The following HS6ST3 variants were observed in gnomAD, a reference collection of about 807,000 sequenced individuals.
The protein encoded by HS6ST3 is heparan-sulfate 6-O-sulfotransferase 3.
A neutral mutation model predicts 36.7 loss-of-function variants in HS6ST3; 12 were observed. The observed-to-expected ratio is 0.33, with a 90% CI of 0.21 to 0.53. The LOEUF is 0.53. Ranked by LOEUF, HS6ST3 falls within the 20% of genes least tolerant of loss-of-function variation. The pLI is 0.95. For missense variants in HS6ST3, 584 were observed against 640.9 expected, an observed-to-expected ratio of 0.91 and a Z score of 0.96; for synonymous variants, 240 against 257.5, an observed-to-expected ratio of 0.93 and a Z score of 0.65.
intron 1 of HS6ST3, among the ~76,000 whole-genome samples, chr13:96,107,174 T>C (rs937398132): frequency 6.6e-6 from 1 of 152,128 alleles, no homozygotes; most frequent in African/African-American, 2.4e-5. Context: ...CAATATTATA[T>C]GTTAAGGTTG....
chr13:96,255,573 A>G (rs1345313613), intron 1 of HS6ST3, among the ~76,000 whole-genome samples: 5 of 152,174 alleles, frequency 3.3e-5, no homozygotes, highest in African/African-American at 1.2e-4. Flanking sequence ...AAGATAGAAG[A>G]TATGTATTTT....
rs1001417459 is a variant in HS6ST3, at chr13:96,402,086, A to G, written c.707+310517A>G. Reference sequence around the variant, plus strand: ...GCATCCCAAGTAGCTGAGATTACACACAGCTCAGTCTCAAGTAGCCGAGGT... The same window carrying G: ...GCATCCCAAGTAGCTGAGATTACACGCAGCTCAGTCTCAAGTAGCCGAGGT... On this transcript the variant is annotated intron_variant, in intron 1 of 1. Transcript: ENST00000376705. Among the ~76,000 whole-genome samples the G allele has an allele frequency of 2.0e-5, 3 of 152,132 alleles. No homozygotes were observed. In the East Asian group the frequency reaches 5.8e-4, roughly 29 times the overall value.
intron 1 of HS6ST3, among the ~76,000 whole-genome samples, chr13:96,227,963 T>C (rs1386166057): frequency 6.6e-6 from 1 of 152,168 alleles, no homozygotes; most frequent in Non-Finnish European, 1.5e-5. Context: ...ACTTATTCAT[T>C]AAAAAATTCA....
At chr13:96,797,005 C>T (rs1877929380) in intron 1 of HS6ST3, among the ~76,000 whole-genome samples, 1 of 152,090 alleles carries the variant, frequency 6.6e-6, no homozygotes, top group Non-Finnish European at 1.5e-5. Context: ...AGGCTGAGGA[C>T]ATCTGCCACC....
chr13:96,424,928 A>T (rs2055579141), intron 1 of HS6ST3, among the ~76,000 whole-genome samples: 1 of 152,194 alleles, frequency 6.6e-6, no homozygotes. Context: ...TACACATCAA[A>T]ATAATGTACA....
intron 1 of HS6ST3, among the ~76,000 whole-genome samples, chr13:96,726,841 G>T (rs1435564558): frequency 6.6e-6 from 1 of 151,776 alleles, no homozygotes; most frequent in Non-Finnish European, 1.5e-5. Flanking sequence ...GAAATCTGCT[G>T]TTATCCTTCT....
At chr13:96,267,043 C>T (rs1243775737) in intron 1 of HS6ST3, among the ~76,000 whole-genome samples, 1 of 152,118 alleles carries the variant, frequency 6.6e-6, no homozygotes, top group African/African-American at 2.4e-5. Context: ...GCAATTGAAT[C>T]CTCGGAGCGG....
At chr13:96,548,408 C>T (rs1594804425) in intron 1 of HS6ST3, among the ~76,000 whole-genome samples, 1 of 152,170 alleles carries the variant, frequency 6.6e-6, no homozygotes, top group South Asian at 2.1e-4. Context: ...GCTCTGCTTA[C>T]GTAAACTGGC....
At chr13:96,596,191 T>C (rs184680381) in intron 1 of HS6ST3, among the ~76,000 whole-genome samples, 1 of 152,328 alleles carries the variant, frequency 6.6e-6, no homozygotes, top group East Asian at 1.9e-4. Flanking sequence ...CATAAGAACA[T>C]ATGGTATTTG....
chr13:96,297,910 A>G (rs1416878272), intron 1 of HS6ST3, among the ~76,000 whole-genome samples: 5 of 152,166 alleles, frequency 3.3e-5, no homozygotes, highest in Non-Finnish European at 5.9e-5. Flanking sequence ...CATATAGTAC[A>G]TGCACCAAAA....
intron 1 of HS6ST3, among the ~76,000 whole-genome samples, chr13:96,352,965 A>AC (rs1166715792): frequency 6.6e-6 from 1 of 151,706 alleles, no homozygotes. Context: ...CAGGACTTGA[A>AC]CCCAGGCTGT....
At position 96,779,380 on chromosome 13, in the gene HS6ST3, T is replaced by C. The variant is rs182408362; in HGVS notation, c.708-53110T>C. On this transcript the variant is annotated intron_variant, in intron 1 of 1. Coordinates refer to ENST00000376705, the MANE Select transcript of HS6ST3 (RefSeq NM_153456.4). ...CTGTGGGAATGGAACCAGAATTTTT[T>C]CCATAGGAATTTGTCCTATGGGAAT... 7.2e-3 allele frequency among the ~76,000 whole-genome samples: 1,090 copies of C among 152,062 alleles called. 11 individuals carry two copies. The highest frequency in any genetic ancestry group is 0.012 in the Non-Finnish European group (843 of 68,004).
At chr13:96,831,385 C>A (rs539535448) in intron 1 of HS6ST3, among the ~76,000 whole-genome samples, 20 of 152,290 alleles carry the variant, frequency 1.3e-4, no homozygotes, top group South Asian at 6.2e-4. Context: ...AGCATGGGAG[C>A]TTTGAAATCA....
In HS6ST3 at chr13:96,803,637, G is replaced by A. The variant is rs535053192; in HGVS notation, c.708-28853G>A. 2.0e-5 allele frequency among the ~76,000 whole-genome samples: 3 copies of A among 152,266 alleles called. No individual in the cohort carries two copies. The East Asian group carries it at 5.8e-4, about 29-fold the overall frequency. On this transcript the variant is annotated intron_variant, in intron 1 of 1. Transcript: ENST00000376705. ...GGAACTCAGTATATCCTGGCAAACA[G>A]CCCTATATTCAAATTTGAAATCTTG...
In HS6ST3 at chr13:96,279,358, G is replaced by A. The variant is rs576799856; in HGVS notation, c.707+187789G>A. On this transcript the variant is annotated intron_variant, in intron 1 of 1. Transcript: ENST00000376705. ...ACACATACTATACGCTGGGTACGGT[G>A]TATATTTTGGTAAACAAGGTATATA... is the stretch of plus-strand genomic sequence containing the variant. Among the ~76,000 whole-genome samples the A allele has an allele frequency of 7.2e-4, 109 of 152,232 alleles. 1 individual carries two copies. Among genetic ancestry groups the A allele is most frequent in the African/African-American group, 2.6e-3 (108 of 41,532 alleles).
intron 1 of HS6ST3, among the ~76,000 whole-genome samples, chr13:96,547,891 T>C (rs1029094061): frequency 1.3e-5 from 2 of 151,998 alleles, no homozygotes; most frequent in Non-Finnish European, 2.9e-5. Flanking sequence ...TTTTTTTTAA[T>C]CTTAGAGATT....
chr13:96,360,804 A>C (rs1413891011), intron 1 of HS6ST3, among the ~76,000 whole-genome samples: 4 of 151,980 alleles, frequency 2.6e-5, no homozygotes, highest in Non-Finnish European at 1.5e-5. Flanking sequence ...AAAATTAGCC[A>C]GGTGTAGTGG....
intron 1 of HS6ST3, among the ~76,000 whole-genome samples, chr13:96,565,108 C>G (rs1433119015): frequency 1.3e-5 from 2 of 151,998 alleles, no homozygotes; most frequent in African/African-American, 4.8e-5. Context: ...ACACATTTAT[C>G]TCTCTCCCCT....
Position 96,091,450 on chromosome 13 carries a change from C to T in HS6ST3, c.588C>T (p.Leu196=). 3.1e-6 allele frequency: 5 copies of T among 1,609,992 alleles called. No individual in the cohort carries two copies. The highest frequency in any genetic ancestry group is 1.1e-5 in the South Asian group (1 of 90,446). ...GGCCTGGCAAGAAGGAGACGTGGCT[C>T]TTCTCCCGCTTCTCCACCGGCTGGA... ...CHRPGKKETW[L]FSRFSTGWSC... The change falls in exon 1 of 2, where the codon CTC becomes CTT. Residue 196 remains leucine (L), a synonymous_variant. Transcript: ENST00000376705.
Sources: allele counts gnomAD v4.1 joint callset (sites outside exome capture counted in the v4.1 genomes callset), GRCh38; gene constraint gnomAD v4.1.1; transcripts MANE v1.5; gene names NCBI Gene and HGNC (gene_info 2026-07-23, HGNC 2026-07-21).